ARFGEF2: variants seen among roughly 807,000 people sequenced by gnomAD.
ARFGEF2 encodes the protein brefeldin A-inhibited guanine nucleotide-exchange protein 2.
A neutral mutation model predicts 219.9 loss-of-function variants in ARFGEF2; 74 were observed. The ratio of observed to expected loss-of-function variants is 0.34; its 90% confidence interval spans 0.28 to 0.41. ARFGEF2 has a LOEUF of 0.41. Ranked by LOEUF, ARFGEF2 falls within the 10% of genes least tolerant of loss-of-function variation. The pLI is 1.00. For missense variants in ARFGEF2, 1,743 were observed against 2,218.3 expected (o/e 0.79, Z 4.30); for synonymous variants, 733 against 799.2 (o/e 0.92, Z 1.40).
chr20:48,943,041 C>T (rs1208202521), intron 3 of ARFGEF2, among the ~76,000 whole-genome samples: 8 of 152,176 alleles, frequency 5.3e-5, no homozygotes, highest in Non-Finnish European at 1.5e-5. Flanking sequence ...GTTAGGAACA[C>T]TGGAAAGCAC....
intron 26 of ARFGEF2, among the ~76,000 whole-genome samples, chr20:49,007,141 A>G (rs898392111): frequency 1.3e-5 from 2 of 152,038 alleles, no homozygotes; most frequent in South Asian, 4.1e-4. Flanking sequence ...GATGGATTAG[A>G]TTCTGTGCAC....
chr20:48,969,349 TC>T (rs1361640818), intron 9 of ARFGEF2, 72 bp downstream of exon 9: 3 of 1,611,978 alleles, frequency 1.9e-6, no homozygotes, highest in Admixed American at 1.7e-5. Flanking sequence ...GTTTCACACT[TC>T]CCTTGTTCCA....
intron 1 of ARFGEF2, among the ~76,000 whole-genome samples, chr20:48,929,911 C>T (rs1198064829): frequency 6.6e-6 from 1 of 152,070 alleles, no homozygotes. Context: ...AGGTCAAAGG[C>T]AGTGAGATGA....
At chr20:48,923,844 C>T (rs142215377) in intron 1 of ARFGEF2, among the ~76,000 whole-genome samples, 6 of 152,200 alleles carry the variant, frequency 3.9e-5, no homozygotes, top group African/African-American at 9.7e-5. Flanking sequence ...GGGCCATTAA[C>T]GCTGAGAATT....
intron 14 of ARFGEF2, 80 bp downstream of exon 14, chr20:48,976,279 A>G: frequency 4.5e-6 from 7 of 1,545,594 alleles, no homozygotes; most frequent in Non-Finnish European, 6.2e-6. Flanking sequence ...ATTCCTAAAA[A>G]GGAAATGCCT....
rs2091575307 is a variant in ARFGEF2 at position 49,023,031 on chromosome 20, A to G, written c.4625-20A>G. On this transcript the variant is annotated intron_variant, in intron 34 of 38. Coordinates refer to ENST00000371917, the MANE Select transcript of ARFGEF2 (RefSeq NM_006420.3). ...ATTGGCTGAATCATTATTAGGGTTA[A>G]TCTTTATCATCTAACATAGATCAGA... 6.2e-7 allele frequency: 1 copy of G among 1,613,932 alleles called. No homozygotes were observed. The highest frequency in any genetic ancestry group is 8.5e-7 in the Non-Finnish European group (1 of 1,179,940).
At chr20:48,954,387 T>C (rs1600605566) in intron 6 of ARFGEF2, among the ~76,000 whole-genome samples, 1 of 152,250 alleles carries the variant, frequency 6.6e-6, no homozygotes, top group Non-Finnish European at 1.5e-5. Context: ...TGAGTTGTTA[T>C]AAGATGATAC....
At chr20:48,984,461 A>C (rs1312388355) in intron 14 of ARFGEF2, among the ~76,000 whole-genome samples, 1 of 152,188 alleles carries the variant, frequency 6.6e-6, no homozygotes, top group African/African-American at 2.4e-5. Flanking sequence ...TCCACATGGC[A>C]GTGTGTCCAG....
chr20:48,922,113 C>G (rs2090845826), intron 1 of ARFGEF2, 103 bp downstream of exon 1: 1 of 1,471,942 alleles, frequency 6.8e-7, no homozygotes, highest in Admixed American at 2.2e-5. Context: ...CGCTTCCCCC[C>G]GATCCCGAAT....
intron 1 of ARFGEF2, among the ~76,000 whole-genome samples, chr20:48,934,502 C>A (rs2090934292): frequency 6.6e-6 from 1 of 152,168 alleles, no homozygotes; most frequent in Non-Finnish European, 1.5e-5. Context: ...CTTCCTTCCC[C>A]TTGCCTCCCA....
chr20:49,001,714 T>A (rs1368531028), intron 25 of ARFGEF2, among the ~76,000 whole-genome samples: 1 of 152,194 alleles, frequency 6.6e-6, no homozygotes, highest in African/African-American at 2.4e-5. Flanking sequence ...CATCTGGCCC[T>A]CCCCAAAGCT....
At chr20:48,986,395 G>T (rs952555260) in intron 16 of ARFGEF2, among the ~76,000 whole-genome samples, 1 of 152,014 alleles carries the variant, frequency 6.6e-6, no homozygotes, top group Non-Finnish European at 1.5e-5. Flanking sequence ...TTGGGAGGCC[G>T]GGACGGGCAG....
intron 8 of ARFGEF2, among the ~76,000 whole-genome samples, chr20:48,966,449 G>A (rs538095046): frequency 3.3e-5 from 5 of 151,964 alleles, no homozygotes; most frequent in East Asian, 3.9e-4. Context: ...TCCATCTCAC[G>A]TATTTTTCCA....
At chr20:49,014,557 A>G (rs1320678121) in intron 30 of ARFGEF2, among the ~76,000 whole-genome samples, 4 of 152,170 alleles carry the variant, frequency 2.6e-5, no homozygotes. Context: ...CAAACACAAA[A>G]AAATTCTTCC....
At chr20:49,018,462 C>T (rs1025723432) in intron 33 of ARFGEF2, among the ~76,000 whole-genome samples, 2 of 152,152 alleles carry the variant, frequency 1.3e-5, no homozygotes, top group African/African-American at 2.4e-5. Flanking sequence ...TCTTGAACTC[C>T]TGACCTCAGG....
In ARFGEF2 at chr20:48,936,071, G is replaced by A. The variant is rs546726500; in HGVS notation, c.122-5128G>A. On this transcript the variant is annotated intron_variant, in intron 1 of 38. Transcript: ENST00000371917. ...CCCGCATGGGGCGGCTGGCCGGGCC[G>A]GGGGCTGAACCCCCACCTCCCTCCC... 2.3e-3 allele frequency among the ~76,000 whole-genome samples: 341 copies of A among 145,560 alleles called. 5 individuals carry two copies. Among genetic ancestry groups the A allele is most frequent in the Non-Finnish European group, 4.3e-3 (282 of 65,636 alleles).
chr20:49,019,936 G>A lies in ARFGEF2; in HGVS notation c.4624+938G>A, dbSNP rs77710961. ...ATTGTCTCTTAATGTTGCTTATGAT[G>A]TGTTTTACTGTCATTTAAAAAAATA... On this transcript the variant is annotated intron_variant, in intron 34 of 38. Transcript: ENST00000371917. Among the ~76,000 whole-genome samples, 363 of 152,230 alleles carry A rather than the reference G, an allele frequency of 2.4e-3. 12 individuals carry two copies. The East Asian group carries it at 0.061, about 26-fold the overall frequency.
chr20:48,938,968 T>G (rs1024500075), intron 1 of ARFGEF2, among the ~76,000 whole-genome samples: 6 of 145,378 alleles, frequency 4.1e-5, no homozygotes, highest in Non-Finnish European at 7.5e-5. Context: ...GTTTTATGGG[T>G]TTTTTTTGTT....
chr20:48,923,834 G>A (rs57217533), intron 1 of ARFGEF2, among the ~76,000 whole-genome samples: 2,162 of 152,304 alleles, frequency 0.014, 48 homozygotes, highest in African/African-American at 0.049. Flanking sequence ...GGGTCATGAA[G>A]GGCCATTAAC....
Sources: gnomAD v4.1 joint callset for allele counts (sites outside exome capture counted in the v4.1 genomes callset) on GRCh38, gnomAD v4.1.1 for gene constraint, MANE v1.5 for transcripts, NCBI Gene and HGNC (gene_info 2026-07-23, HGNC 2026-07-21) for gene names.